LPCAT4: variants seen among roughly 807,000 people sequenced by gnomAD.
LPCAT4 encodes the protein lysophospholipid acyltransferase LPCAT4.
Under a neutral mutation model 66.5 loss-of-function variants are expected in LPCAT4, and 30 were observed. That is an observed-to-expected ratio of 0.45 (90% CI 0.34 to 0.61). The LOEUF is 0.61. Among genes scored for constraint, LPCAT4 ranks in the 20% least tolerant of loss-of-function variants. LPCAT4 has a pLI of 0.01. For missense variants in LPCAT4, 557 were observed against 656.7 expected (o/e 0.85, Z 1.66); for synonymous variants, 253 against 262.1 (o/e 0.97, Z 0.34).
chr15:34,365,749 C>A, intron 1 of LPCAT4, 48 bp from the exon 2 acceptor site: 1 of 1,597,866 alleles, frequency 6.3e-7, no homozygotes, highest in East Asian at 2.2e-5. Context: ...GATATGCTCC[C>A]TCCACAGCAT....
rs1891017670 is a variant in LPCAT4, at chr15:34,364,258, G to C, written c.527C>G (p.Ala176Gly). Residue 176 changes from alanine to glycine, a missense_variant, in exon 4 of 14, where the codon GCT becomes GGT. By Grantham distance (60) the Ala-to-Gly change is moderately conservative. This residue lies in a region of LPCAT4 where 392 missense variants were observed against 473.9 expected (regional missense o/e 0.83). Transcript: ENST00000314891. ...QAILVSRHDP[A>G]SRRRVVEEVR... ...CTCCTCCACCACTCTGCGTCGAGAA[G>C]CCGGGTCATGCCGGGATACCAGGAT... The C allele has an allele frequency of 1.2e-6, 2 of 1,614,130 alleles. No individual in the cohort carries two copies. The highest frequency in any genetic ancestry group is 1.7e-6 in the Non-Finnish European group (2 of 1,179,954).
chr15:34,367,162 A>AGCT lies in LPCAT4; in HGVS notation c.-65_-63dup. 7.4e-7 allele frequency: 1 copy of AGCT among 1,344,870 alleles called. No individual in the cohort carries two copies. Among genetic ancestry groups the AGCT allele is most frequent in the Non-Finnish European group, 9.6e-7 (1 of 1,039,064 alleles). The allele number at this position is 1,344,870 out of a possible 1,614,324, so 83.3% of individuals were successfully genotyped here. A position where few individuals can be genotyped will look rare whatever the true frequency, so the allele number is the denominator to read the frequency against. On this transcript the variant is annotated 5_prime_UTR_variant, in exon 1 of 14. Transcript: ENST00000314891. ...GGCCCCGGCCACCACTCTGCAGAGC[A>AGCT]GCTGCTGCTGCAGCAGCGGCGGCGG...
At position 34,367,079 on chromosome 15, in the gene LPCAT4, C is replaced by A. The variant is rs1357397115; in HGVS notation, c.22G>T (p.Asp8Tyr). 1 of 1,552,824 alleles carries A rather than the reference C, an allele frequency of 6.4e-7. No homozygotes were observed. The highest frequency in any genetic ancestry group is 8.7e-7 in the Non-Finnish European group (1 of 1,148,416). ...GGGGTGGGATCTAGGGGGGCCCAGT[C>A]CCCCGGACTTCCCTGGCTCATGGCG... MSQGSPG[D>Y]WAPLDPTPGP... The change falls in exon 1 of 14, where the codon GAC becomes TAC. Residue 8 changes from aspartate to tyrosine, a missense_variant. Coordinates refer to ENST00000314891, the MANE Select transcript of LPCAT4 (RefSeq NM_153613.3).
Position 34,358,958 on chromosome 15 carries a change from T to C in LPCAT4, c.*169A>G, listed in dbSNP as rs923422632. 9 of 382,704 alleles carry C rather than the reference T, an allele frequency of 2.4e-5. No homozygotes were observed. Among genetic ancestry groups the C allele is most frequent in the South Asian group, 7.1e-5 (1 of 14,120 alleles). 23.7% of individuals were successfully genotyped at this position (382,704 alleles called of 1,614,324 possible). On this transcript the variant is annotated 3_prime_UTR_variant, in exon 14 of 14. Coordinates refer to ENST00000314891, the MANE Select transcript of LPCAT4 (RefSeq NM_153613.3). ...ATAGATATAGATTTATATTTATATA[T>C]AAAATAGTTTTTTACAAAAAAATCA...
chr15:34,365,292 C>T, intron 2 of LPCAT4, 64 bp from the exon 3 acceptor site: 1 of 1,499,100 alleles, frequency 6.7e-7, no homozygotes, highest in East Asian at 2.4e-5. Flanking sequence ...CCCCCAGGTT[C>T]AGACACCGGG....
chr15:34,364,402 C>A, intron 3 of LPCAT4, 96 bp from the exon 4 acceptor site: 27 of 662,144 alleles, frequency 4.1e-5, no homozygotes, highest in Non-Finnish European at 6.2e-5. Context: ...TGAGAAGTTT[C>A]TGTTATCTCT....
chr15:34,365,413 C>T, intron 2 of LPCAT4, 146 bp downstream of exon 2: 1 of 1,261,244 alleles, frequency 7.9e-7, no homozygotes, highest in Non-Finnish European at 1.1e-6. Flanking sequence ...GGTCTGGGAA[C>T]CACGTCTGAG....
chr15:34,363,435 T>C lies in LPCAT4; in HGVS notation c.733A>G (p.Arg245Gly). Residue 245 changes from arginine (R) to glycine (G), a missense_variant, in exon 7 of 14, where the codon AGG becomes GGG. Around this residue, in one of 4 missense-constraint regions of LPCAT4, gnomAD observed 392 missense variants for 473.9 expected, o/e 0.83. Coordinates refer to ENST00000314891, the MANE Select transcript of LPCAT4 (RefSeq NM_153613.3). This position sits in a 1 kb window ranked among gnomAD's most constrained non-coding sequence, Gnocchi z 4.3. ...NSLDTTSWAW[R>G]GPGVLKVLWL... ...ACCAGAACTCACACTCCAGGACCCC[T>C]CCATGCCCAGCTGGTGGTGTCCTAT... The C allele has an allele frequency of 6.2e-7, 1 of 1,613,846 alleles. No homozygotes were observed. Among genetic ancestry groups the C allele is most frequent in the Non-Finnish European group, 8.5e-7 (1 of 1,179,932 alleles).
At chr15:34,359,897 CT>C (rs935632910) in intron 12 of LPCAT4, 152 bp from the exon 13 acceptor site, 3 of 862,978 alleles carry the variant, frequency 3.5e-6, no homozygotes, top group African/African-American at 3.4e-5. Flanking sequence ...GAACTGTAGA[CT>C]TTATAGCTTT....
rs1293636637 is a variant in LPCAT4 at position 34,363,571 on chromosome 15, A to G, written c.711+90T>C. 2.5e-6 allele frequency: 4 copies of G among 1,596,248 alleles called. No homozygotes were observed. In the East Asian group the frequency reaches 8.9e-5, roughly 36 times the overall value. ...CCTCTGGTCACAGCCCCCAATGCACATCCCATTAAAGCACCAACAGTTTTC... is the reference window on the plus strand; with the variant it reads ...CCTCTGGTCACAGCCCCCAATGCACGTCCCATTAAAGCACCAACAGTTTTC... On this transcript the variant is annotated intron_variant, in intron 6 of 13. Transcript: ENST00000314891. The surrounding 1 kb of genome is among the most constrained non-coding windows in gnomAD (Gnocchi z 4.3).
chr15:34,359,196 G>C lies in LPCAT4; in HGVS notation c.1506C>G (p.Ala502=), dbSNP rs1156719554. Residue 502 remains alanine (A), a synonymous_variant, in exon 14 of 14, where the codon GCC becomes GCG. Transcript: ENST00000314891. ...TSRGTSQTPN[A]SSPGNPTALA... ...GAGCAGTGGGGTTGCCTGGGGATGAGGCATTTGGTGTCTGGGAGGTGCCTC... is the reference window on the plus strand; with the variant it reads ...GAGCAGTGGGGTTGCCTGGGGATGACGCATTTGGTGTCTGGGAGGTGCCTC... 3.1e-6 allele frequency: 5 copies of C among 1,604,356 alleles called. No homozygotes were observed. The highest frequency in any genetic ancestry group is 3.4e-6 in the Non-Finnish European group (4 of 1,175,836).
chr15:34,359,978 G>A (rs1034812516), intron 12 of LPCAT4, 133 bp downstream of exon 12: 2 of 842,798 alleles, frequency 2.4e-6, no homozygotes, highest in Admixed American at 4.6e-5. Context: ...GCAGTTTTAG[G>A]CACTGTGGCA....
intron 11 of LPCAT4, 77 bp downstream of exon 11, chr15:34,361,323 C>T: frequency 3.2e-6 from 5 of 1,586,686 alleles, no homozygotes; most frequent in Non-Finnish European, 8.6e-7. Flanking sequence ...CTGTGAGTGA[C>T]TGATACGGCC....
chr15:34,366,488 C>A (rs1231376585), intron 1 of LPCAT4, among the ~76,000 whole-genome samples: 1 of 152,058 alleles, frequency 6.6e-6, no homozygotes, highest in Non-Finnish European at 1.5e-5. Context: ...GGAGGTGCTG[C>A]AGTGCGGGGT....
At chr15:34,361,563 G>A (rs542200414) in intron 10 of LPCAT4, 31 bp from the exon 11 acceptor site, 6 of 1,610,680 alleles carry the variant, frequency 3.7e-6, no homozygotes, top group Admixed American at 1.7e-5. Context: ...GCAGAGAGCT[G>A]TCTCAGTTTC....
intron 3 of LPCAT4, chr15:34,364,733 C>T (rs1376872666): frequency 1.3e-5 from 5 of 396,406 alleles, no homozygotes; most frequent in South Asian, 4.2e-5. Context: ...GGATTATAGG[C>T]GCGAGCCACC....
Position 34,362,236 on chromosome 15 carries a change from G to A in LPCAT4, c.970C>T (p.Pro324Ser). 15 of 1,613,598 alleles carry A rather than the reference G, an allele frequency of 9.3e-6. No homozygotes were observed. The highest frequency in any genetic ancestry group is 1.3e-5 in the Non-Finnish European group (15 of 1,179,978). ...VVGRLKVALE[P>S]QLWELGKVLR... Reference sequence around the variant, plus strand: ...ACTTTTCCCAGTTCCCAGAGCTGTGGTTCCAACGCCACCTTCAGCCGGCCC... The same window carrying A: ...ACTTTTCCCAGTTCCCAGAGCTGTGATTCCAACGCCACCTTCAGCCGGCCC... Residue 324 changes from proline to serine, a missense_variant, in exon 10 of 14, where the codon CCA (proline) becomes TCA (serine). By Grantham distance (74) the Pro-to-Ser change is moderately conservative (BLOSUM62 -1). Coordinates refer to ENST00000314891, the MANE Select transcript of LPCAT4 (RefSeq NM_153613.3).
chr15:34,363,546 C>T lies in LPCAT4; in HGVS notation c.712-90G>A. 10 of 1,596,334 alleles carry T rather than the reference C, an allele frequency of 6.3e-6. No individual in the cohort carries two copies. The highest frequency in any genetic ancestry group is 2.2e-5 in the East Asian group (1 of 44,764). On this transcript the variant is annotated intron_variant, in intron 6 of 13. Coordinates refer to ENST00000314891, the MANE Select transcript of LPCAT4 (RefSeq NM_153613.3). This position sits in a 1 kb window ranked among gnomAD's most constrained non-coding sequence, Gnocchi z 4.3. The stretch of plus-strand genomic sequence containing the variant: ...CCTTTGAACAGAGGGCCTGATCCCA[C>T]CTCTGGTCACAGCCCCCAATGCACA...
intron 10 of LPCAT4, among the ~76,000 whole-genome samples, 194 bp from the exon 11 acceptor site, chr15:34,361,726 G>A (rs759506703): frequency 3.3e-5 from 5 of 151,918 alleles, no homozygotes; most frequent in African/African-American, 7.2e-5. Flanking sequence ...TTTTGACGGA[G>A]TCTTGCTCTG....
Sources: allele counts gnomAD v4.1 joint callset (sites outside exome capture counted in the v4.1 genomes callset), GRCh38; gene constraint gnomAD v4.1.1; regional missense constraint gnomAD v4.1.1; non-coding constraint Gnocchi (gnomAD v3.1); transcripts MANE v1.5; gene names NCBI Gene and HGNC (gene_info 2026-07-23, HGNC 2026-07-21).